The following EPN2 variants were observed in gnomAD, a reference collection of about 807,000 sequenced individuals.
EPN2 encodes epsin-2.
A neutral mutation model predicts 61.7 loss-of-function variants in EPN2; 34 were observed. That is an observed-to-expected ratio of 0.55 (90% CI 0.42 to 0.73). The LOEUF (loss-of-function observed/expected upper bound fraction) is 0.73, where lower values mean the gene tolerates loss of function less well. Among genes scored for constraint, EPN2 ranks in the 30% least tolerant of loss-of-function variants. The pLI, the probability that EPN2 is intolerant of heterozygous loss-of-function variation, is 0.00. For missense variants in EPN2, 714 were observed against 839.2 expected (o/e 0.85, Z 1.84); for synonymous variants, 349 against 353.6 (o/e 0.99, Z 0.15).
chr17:19,285,902 G>C lies in EPN2; in HGVS notation c.766+112G>C, dbSNP rs971795840. Reference sequence around the variant, plus strand: ...CTCCCTGTCTCCTCTGGGCCTGGGGGTTTGGCCTCCAGCAGGCCCAGGAGC... The same window carrying C: ...CTCCCTGTCTCCTCTGGGCCTGGGGCTTTGGCCTCCAGCAGGCCCAGGAGC... On this transcript the variant is annotated intron_variant, in intron 4 of 10. Transcript: ENST00000314728. The surrounding 1 kb of genome is among the most constrained non-coding windows in gnomAD (Gnocchi z 4.5). 24 of 1,402,742 alleles carry C rather than the reference G, an allele frequency of 1.7e-5. No individual in the cohort carries two copies. Among genetic ancestry groups the C allele is most frequent in the African/African-American group, 4.4e-5 (3 of 67,790 alleles). 86.9% of individuals were successfully genotyped at this position (1,402,742 alleles called of 1,614,324 possible).
chr17:19,333,921 CG>C, intron 10 of EPN2, 34 bp from the exon 11 acceptor site: 1 of 1,499,146 alleles, frequency 6.7e-7, no homozygotes, highest in Non-Finnish European at 8.9e-7. Context: ...CACACCCTGA[CG>C]GCTCAGCCTC....
chr17:19,255,902 CAT>C (rs1430925506), intron 1 of EPN2, among the ~76,000 whole-genome samples: 1 of 151,980 alleles, frequency 6.6e-6, no homozygotes, highest in Non-Finnish European at 1.5e-5. Context: ...GTATTACAGA[CAT>C]GAGTCACCAA....
intron 4 of EPN2, among the ~76,000 whole-genome samples, chr17:19,292,356 C>T (rs578225095): frequency 6.6e-6 from 1 of 152,302 alleles, no homozygotes; most frequent in Admixed American, 6.5e-5. Context: ...CAGGGCCCTT[C>T]CATTGGGTTT....
At position 19,293,953 on chromosome 17, in the gene EPN2, G is replaced by A. The variant is rs142859306; in HGVS notation, c.766+8163G>A. On this transcript the variant is annotated intron_variant, in intron 4 of 10. Coordinates refer to ENST00000314728, the MANE Select transcript of EPN2 (RefSeq NM_014964.5). ...AAAATACAAAAAATTAGTCGGGTGT[G>A]GTGGTGGATGCTTGTAATCCCAGCT... Among the ~76,000 whole-genome samples, 1,423 of 152,094 alleles carry A rather than the reference G, an allele frequency of 9.4e-3. 8 individuals carry two copies. Among genetic ancestry groups the A allele is most frequent in the Middle Eastern group, 0.024 (7 of 294 alleles).
At chr17:19,239,705 G>A (rs976998006) in intron 1 of EPN2, among the ~76,000 whole-genome samples, 2 of 152,240 alleles carry the variant, frequency 1.3e-5, no homozygotes, top group Admixed American at 1.3e-4. Flanking sequence ...AGTTTCCCTG[G>A]TTTACAGAGG....
chr17:19,305,650 T>TA (rs1905801032), intron 4 of EPN2, among the ~76,000 whole-genome samples: 1 of 152,192 alleles, frequency 6.6e-6, no homozygotes, highest in African/African-American at 2.4e-5. Flanking sequence ...GCATCTTTAT[T>TA]AAAAAATCTT....
At chr17:19,267,338 T>TA (rs1190294372) in intron 1 of EPN2, among the ~76,000 whole-genome samples, 31 of 150,836 alleles carry the variant, frequency 2.1e-4, no homozygotes, top group East Asian at 9.8e-4. Context: ...GTGAATATAC[T>TA]AAAAAAAAAC....
At chr17:19,277,815 G>GT (rs1364798631) in intron 1 of EPN2, among the ~76,000 whole-genome samples, 1 of 152,198 alleles carries the variant, frequency 6.6e-6, no homozygotes, top group Non-Finnish European at 1.5e-5. Context: ...GCTCACGCCT[G>GT]TAATCCCAGC....
In EPN2 at chr17:19,285,957, G is replaced by T. The variant is rs922164498; in HGVS notation, c.766+167G>T. On this transcript the variant is annotated intron_variant, in intron 4 of 10. Coordinates refer to ENST00000314728, the MANE Select transcript of EPN2 (RefSeq NM_014964.5). The surrounding 1 kb of genome is among the most constrained non-coding windows in gnomAD (Gnocchi z 4.5). ...TCTTCCTCTCTCCTGGGAGCTTGTG[G>T]CCTGGTCGTGCTCCGCTTCCAGGAT... is the stretch of plus-strand genomic sequence containing the variant. Among the ~76,000 whole-genome samples, 1 of 152,170 alleles carries T rather than the reference G, an allele frequency of 6.6e-6. No individual in the cohort carries two copies. The highest frequency in any genetic ancestry group is 1.5e-5 in the Non-Finnish European group (1 of 68,020).
chr17:19,312,382 G>A (rs1906183497), intron 6 of EPN2, among the ~76,000 whole-genome samples: 2 of 152,234 alleles, frequency 1.3e-5, no homozygotes, highest in South Asian at 4.1e-4. Context: ...AAATGGAGGT[G>A]ATGATAGTGC....
Position 19,328,872 on chromosome 17 carries a change from C to T in EPN2, c.1309C>T (p.Pro437Ser). ...DAWGAVSTTK[P>S]VSVSGSFELF... The stretch of plus-strand genomic sequence containing the variant: ...GTGGGGCGCAGTCTCCACCACCAAG[C>T]CCGTGTCTGTCTCTGGTGAGCCCCT... Residue 437 changes from proline to serine, a missense_variant, in exon 8 of 11, where the codon CCC becomes TCC. Pro to Ser is a moderately conservative substitution (Grantham distance 74). Coordinates refer to ENST00000314728, the MANE Select transcript of EPN2 (RefSeq NM_014964.5). 6.2e-7 allele frequency: 1 copy of T among 1,611,594 alleles called. No homozygotes were observed. The highest frequency in any genetic ancestry group is 1.7e-5 in the Admixed American group (1 of 59,778).
At chr17:19,286,825 G>A (rs2045409589) in intron 4 of EPN2, among the ~76,000 whole-genome samples, 3 of 152,154 alleles carry the variant, frequency 2.0e-5, no homozygotes, top group Admixed American at 1.3e-4. Flanking sequence ...ATTAGAAAAC[G>A]TAAGGAAGGC....
At chr17:19,324,076 A>G (rs1356977567) in intron 7 of EPN2, among the ~76,000 whole-genome samples, 3 of 152,260 alleles carry the variant, frequency 2.0e-5, no homozygotes, top group African/African-American at 4.8e-5. Flanking sequence ...GTTCCCAGCA[A>G]TTGGAGAATA....
chr17:19,292,497 A>G (rs894149974), intron 4 of EPN2, among the ~76,000 whole-genome samples: 2 of 152,370 alleles, frequency 1.3e-5, no homozygotes, highest in South Asian at 4.1e-4. Context: ...GCAGAGGCAC[A>G]GCAGGGCTGT....
intron 1 of EPN2, among the ~76,000 whole-genome samples, chr17:19,272,547 C>T (rs915311486): frequency 5.3e-5 from 8 of 152,094 alleles, no homozygotes; most frequent in African/African-American, 1.9e-4. Context: ...TTAATTCCAT[C>T]ATTTTAGAAG....
chr17:19,275,962 A>G (rs2152214215), intron 1 of EPN2, among the ~76,000 whole-genome samples: 1 of 152,274 alleles, frequency 6.6e-6, no homozygotes, highest in East Asian at 1.9e-4. Flanking sequence ...TCAAGCATTC[A>G]GTTTCTTTGC....
At chr17:19,240,742 G>T (rs72836760) in intron 1 of EPN2, among the ~76,000 whole-genome samples, 7,125 of 152,194 alleles carry the variant, frequency 0.047, 221 homozygotes, top group East Asian at 0.11. Flanking sequence ...CAGTCTGCTG[G>T]TGCACTTACG....
intron 6 of EPN2, among the ~76,000 whole-genome samples, chr17:19,312,640 T>C (rs1326669338): frequency 6.6e-6 from 1 of 152,186 alleles, no homozygotes; most frequent in Non-Finnish European, 1.5e-5. Context: ...CCTCCTCTGT[T>C]ACAGTGCTAC....
intron 1 of EPN2, among the ~76,000 whole-genome samples, chr17:19,241,800 G>A (rs1174464735): frequency 6.6e-6 from 1 of 152,066 alleles, no homozygotes; most frequent in Non-Finnish European, 1.5e-5. Context: ...CCATTTGTGA[G>A]TAGAAAAACT....
Sources: gnomAD v4.1 joint callset for allele counts (sites outside exome capture counted in the v4.1 genomes callset) on GRCh38, gnomAD v4.1.1 for gene constraint, Gnocchi (gnomAD v3.1) non-coding constraint, MANE v1.5 for transcripts, NCBI Gene and HGNC (gene_info 2026-07-23, HGNC 2026-07-21) for gene names.